The following FHOD3 variants were observed in gnomAD, a reference collection of about 807,000 sequenced individuals.
The protein encoded by FHOD3 is formin homology 2 domain containing 3.
In FHOD3, 90 loss-of-function variants were observed where a neutral mutation model predicts 173.0. The ratio of observed to expected loss-of-function variants is 0.52; its 90% CI spans 0.44 to 0.62. The LOEUF (loss-of-function observed/expected upper bound fraction) is 0.62. Among genes scored for constraint, FHOD3 ranks in the 20% least tolerant of loss-of-function variants. The probability of loss-of-function intolerance (pLI) is 0.00; values close to 1 mark genes in which losing one functional copy is unlikely to be tolerated. For synonymous variants in FHOD3, 828 were observed against 823.0 expected, an observed-to-expected ratio of 1.01 and a Z score of -0.10; for missense variants, 1,945 against 2,034.7, an observed-to-expected ratio of 0.96 and a Z score of 0.85.
chr18:36,363,109 C>T (rs1568173317), intron 2 of FHOD3, among the ~76,000 whole-genome samples: 1 of 152,086 alleles, frequency 6.6e-6, no homozygotes, highest in African/African-American at 2.4e-5. Flanking sequence ...ACTACACACC[C>T]CTTAGAATGG....
intron 27 of FHOD3, among the ~76,000 whole-genome samples, chr18:36,768,643 A>C (rs563838042): frequency 6.6e-6 from 1 of 152,360 alleles, no homozygotes; most frequent in East Asian, 1.9e-4. Context: ...AGATTTATGT[A>C]CCAGAGAAAA....
At chr18:36,328,392 A>T (rs1709809969) in intron 1 of FHOD3, among the ~76,000 whole-genome samples, 1 of 152,068 alleles carries the variant, frequency 6.6e-6, no homozygotes, top group Non-Finnish European at 1.5e-5. Context: ...AAGGGTCCTG[A>T]GATGGGAGTG....
At chr18:36,683,411 C>T (rs1029814866) in intron 15 of FHOD3, among the ~76,000 whole-genome samples, 1 of 152,210 alleles carries the variant, frequency 6.6e-6, no homozygotes, top group African/African-American at 2.4e-5. Flanking sequence ...TCCTGTCTCT[C>T]CTTCATTGCT....
At chr18:36,386,732 T>G (rs2048051925) in intron 3 of FHOD3, among the ~76,000 whole-genome samples, 1 of 152,200 alleles carries the variant, frequency 6.6e-6, no homozygotes, top group African/African-American at 2.4e-5. Context: ...GGTGTGGCCC[T>G]GCCTCCCCTC....
At chr18:36,591,862 G>T (rs1395696391) in intron 6 of FHOD3, among the ~76,000 whole-genome samples, 1 of 152,182 alleles carries the variant, frequency 6.6e-6, no homozygotes, top group Non-Finnish European at 1.5e-5. Flanking sequence ...GTTTGAGGCT[G>T]CAGTGAGCTG....
At chr18:36,439,430 C>T (rs1460331737) in intron 3 of FHOD3, among the ~76,000 whole-genome samples, 1 of 151,906 alleles carries the variant, frequency 6.6e-6, no homozygotes, top group Non-Finnish European at 1.5e-5. Flanking sequence ...ATGAATCCTC[C>T]CACACTCTAG....
chr18:36,428,357 TTTG>T (rs1343182610), intron 3 of FHOD3, among the ~76,000 whole-genome samples: 3 of 152,210 alleles, frequency 2.0e-5, no homozygotes, highest in African/African-American at 7.2e-5. Context: ...AGGCCATTAC[TTTG>T]TTGTTTTGTT....
intron 9 of FHOD3, among the ~76,000 whole-genome samples, chr18:36,622,606 T>C (rs2033801718): frequency 6.6e-6 from 1 of 152,256 alleles, no homozygotes; most frequent in Non-Finnish European, 1.5e-5. Context: ...GTCACTCCAT[T>C]ACTTGGGACA....
At chr18:36,725,527 C>T (rs2041016374) in intron 19 of FHOD3, among the ~76,000 whole-genome samples, 1 of 152,176 alleles carries the variant, frequency 6.6e-6, no homozygotes, top group Non-Finnish European at 1.5e-5. Flanking sequence ...GGTTCAGCAT[C>T]ATGGACCGTC....
intron 3 of FHOD3, among the ~76,000 whole-genome samples, chr18:36,445,807 A>G (rs2051435126): frequency 1.3e-5 from 2 of 152,174 alleles, no homozygotes; most frequent in Non-Finnish European, 2.9e-5. Context: ...ATGTCCAGGT[A>G]GTTGCAGCGA....
At chr18:36,664,481 A>G (rs1282821125) in intron 14 of FHOD3, among the ~76,000 whole-genome samples, 2 of 152,188 alleles carry the variant, frequency 1.3e-5, no homozygotes, top group Admixed American at 1.3e-4. Flanking sequence ...CAAAGCACGC[A>G]AGAGAAGCAC....
intron 1 of FHOD3, 142 bp from the exon 2 acceptor site, chr18:36,355,397 A>T (rs1425675559): frequency 1.5e-6 from 1 of 653,848 alleles, no homozygotes; most frequent in Non-Finnish European, 2.7e-6. Context: ...TTGCACTAAC[A>T]TACTAGCTCT....
chr18:36,366,829 G>A (rs2046922506), intron 2 of FHOD3, among the ~76,000 whole-genome samples: 1 of 152,184 alleles, frequency 6.6e-6, no homozygotes. Flanking sequence ...GGCAACTGTT[G>A]AGGGGGCCCT....
chr18:36,700,503 A>G (rs532429595), intron 17 of FHOD3, among the ~76,000 whole-genome samples: 78 of 152,242 alleles, frequency 5.1e-4, no homozygotes, highest in African/African-American at 1.4e-3. Flanking sequence ...CTTACATCCA[A>G]TCAATCCCCA....
At chr18:36,341,692 A>G (rs2045631949) in intron 1 of FHOD3, among the ~76,000 whole-genome samples, 1 of 152,198 alleles carries the variant, frequency 6.6e-6, no homozygotes, top group African/African-American at 2.4e-5. Context: ...AGGGCTAACC[A>G]CACACATAAT....
chr18:36,525,883 GA>G (rs767877939), intron 5 of FHOD3, among the ~76,000 whole-genome samples: 9 of 152,242 alleles, frequency 5.9e-5, no homozygotes, highest in Non-Finnish European at 1.0e-4. Context: ...GACTAATGGA[GA>G]AGGCAATTTA....
At chr18:36,549,247 TC>T (rs1282591716) in intron 5 of FHOD3, among the ~76,000 whole-genome samples, 7 of 152,334 alleles carry the variant, frequency 4.6e-5, no homozygotes, top group African/African-American at 1.2e-4. Context: ...TTTGTTCAAC[TC>T]TTTTTGCCAA....
chr18:36,473,835 A>C (rs754319716), intron 3 of FHOD3, among the ~76,000 whole-genome samples: 1 of 152,206 alleles, frequency 6.6e-6, no homozygotes, highest in Non-Finnish European at 1.5e-5. Context: ...TTTCCATAGG[A>C]ATATATCATT....
chr18:36,763,069 G>A (rs970041238), intron 27 of FHOD3, among the ~76,000 whole-genome samples: 5 of 145,662 alleles, frequency 3.4e-5, no homozygotes, highest in East Asian at 2.0e-4. Context: ...TATAATATGC[G>A]TATTATACAC....
Sources: allele counts gnomAD v4.1 joint callset (sites outside exome capture counted in the v4.1 genomes callset), GRCh38; gene constraint gnomAD v4.1.1; transcripts MANE v1.5; gene names NCBI Gene and HGNC (gene_info 2026-07-23, HGNC 2026-07-21).